The following GOLPH3 variants were observed in gnomAD, a reference collection of about 807,000 sequenced individuals.
GOLPH3 encodes coat protein GPP34.
Under a neutral mutation model 28.5 loss-of-function variants are expected in GOLPH3, and 14 were observed. That is an observed-to-expected ratio of 0.49 (90% CI 0.32 to 0.77). GOLPH3 has a LOEUF of 0.77. Among genes scored for constraint, GOLPH3 ranks in the 30% least tolerant of loss-of-function variants. The pLI, the probability that GOLPH3 is intolerant of heterozygous loss-of-function variation, is 0.03. For synonymous variants in GOLPH3, 158 were observed against 159.2 expected, an observed-to-expected ratio of 0.99 and a Z score of 0.06; for missense variants, 350 against 393.7, an observed-to-expected ratio of 0.89 and a Z score of 0.94.
chr5:32,144,434 A>C (rs1746146708), intron 1 of GOLPH3, among the ~76,000 whole-genome samples: 1 of 152,200 alleles, frequency 6.6e-6, no homozygotes, highest in Admixed American at 6.5e-5. Flanking sequence ...CTACCAAAAA[A>C]AATTAATTAG....
chr5:32,152,847 G>A (rs77717270), intron 1 of GOLPH3, among the ~76,000 whole-genome samples: 22,730 of 151,282 alleles, frequency 0.15, 2,091 homozygotes, highest in Middle Eastern at 0.21. Flanking sequence ...TGGCAAAAAT[G>A]AGGGAAACAG....
rs549372832 is a variant in GOLPH3 at position 32,170,532 on chromosome 5, C to T, written c.225+3278G>A. 5.3e-5 allele frequency among the ~76,000 whole-genome samples: 8 copies of T among 152,278 alleles called. No individual in the cohort carries two copies. In the South Asian group the frequency reaches 1.2e-3, roughly 24 times the overall value. On this transcript the variant is annotated intron_variant, in intron 1 of 3. Transcript: ENST00000265070. Reference sequence around the variant, plus strand: ...ATGAGTTAGCATAAACGCCTGGGCTCAGGGTAAGACAGCAATTCCTGCCTC... The same window carrying T: ...ATGAGTTAGCATAAACGCCTGGGCTTAGGGTAAGACAGCAATTCCTGCCTC...
intron 1 of GOLPH3, among the ~76,000 whole-genome samples, chr5:32,167,775 G>A (rs1228389785): frequency 6.6e-6 from 1 of 151,896 alleles, no homozygotes; most frequent in South Asian, 2.1e-4. Context: ...GTGAGACCAC[G>A]TCTCTACAAA....
At chr5:32,131,577 C>T (rs1022791380) in intron 3 of GOLPH3, among the ~76,000 whole-genome samples, 1 of 152,218 alleles carries the variant, frequency 6.6e-6, no homozygotes, top group African/African-American at 2.4e-5. Context: ...GCGATCCATG[C>T]TGTTAGTCCT....
At chr5:32,142,956 A>G (rs1426571288) in intron 2 of GOLPH3, among the ~76,000 whole-genome samples, 1 of 152,134 alleles carries the variant, frequency 6.6e-6, no homozygotes, top group East Asian at 1.9e-4. Flanking sequence ...GGTGTACCCA[A>G]CAGCTCACTG....
intron 1 of GOLPH3, among the ~76,000 whole-genome samples, chr5:32,148,836 G>A (rs563463936): frequency 1.2e-4 from 18 of 152,190 alleles, no homozygotes; most frequent in African/African-American, 3.6e-4. Flanking sequence ...TTACCCAGGC[G>A]TGGTGGCGCA....
intron 1 of GOLPH3, among the ~76,000 whole-genome samples, chr5:32,150,026 A>G (rs1019822418): frequency 3.9e-5 from 6 of 152,102 alleles, no homozygotes; most frequent in African/African-American, 1.4e-4. Context: ...TGCTGGTGAT[A>G]TTGTTGGATA....
At chr5:32,145,627 C>T (rs1746168320) in intron 1 of GOLPH3, among the ~76,000 whole-genome samples, 1 of 152,180 alleles carries the variant, frequency 6.6e-6, no homozygotes, top group Non-Finnish European at 1.5e-5. Flanking sequence ...CTGCAAACTC[C>T]AGCTGAACAG....
In GOLPH3 at chr5:32,161,066, CAAAAAA is replaced by C. The variant is rs34874287; in HGVS notation, c.225+12738_225+12743del. 1.5e-4 allele frequency among the ~76,000 whole-genome samples: 9 copies of C among 60,050 alleles called. No individual in the cohort carries two copies. The South Asian group carries it at 3.8e-3, about 26-fold the overall frequency. The allele number at this position is 60,050 out of a possible 152,430, so 39.4% of individuals were successfully genotyped here. Reference sequence around the variant, plus strand: ...TGGGTGACAGAGCGAGACTCCGTCTCAAAAAAAAAAAAAAAAAAAAAAAAAAATTGG... The same window carrying C: ...TGGGTGACAGAGCGAGACTCCGTCTCAAAAAAAAAAAAAAAAAAAAATTGG... On this transcript the variant is annotated intron_variant, in intron 1 of 3. Coordinates refer to ENST00000265070, the MANE Select transcript of GOLPH3 (RefSeq NM_022130.4).
chr5:32,154,181 C>T (rs1457264042), intron 1 of GOLPH3, among the ~76,000 whole-genome samples: 1 of 152,118 alleles, frequency 6.6e-6, no homozygotes, highest in African/African-American at 2.4e-5. Flanking sequence ...AGAGCCCATA[C>T]CTCACTAGAT....
intron 2 of GOLPH3, among the ~76,000 whole-genome samples, chr5:32,137,989 C>T (rs544430044): frequency 2.0e-4 from 31 of 151,242 alleles, no homozygotes; most frequent in African/African-American, 5.8e-4. Context: ...CTGCAACCTC[C>T]GCCTCCAGGG....
At chr5:32,126,735 G>C in intron 3 of GOLPH3, 99 bp from the exon 4 acceptor site, 1 of 895,274 alleles carries the variant, frequency 1.1e-6, no homozygotes. Context: ...TTTGCCCCAA[G>C]AAAAACAGAA....
chr5:32,142,686 C>A (rs1746100868), intron 2 of GOLPH3, among the ~76,000 whole-genome samples: 1 of 147,730 alleles, frequency 6.8e-6, no homozygotes, highest in South Asian at 2.1e-4. Context: ...GCCGCCCCGT[C>A]CGGGAGGGAG....
intron 1 of GOLPH3, among the ~76,000 whole-genome samples, chr5:32,149,241 TACAGAG>T (rs1746250552): frequency 1.3e-5 from 2 of 152,246 alleles, no homozygotes; most frequent in African/African-American, 4.8e-5. Flanking sequence ...AACCAAGACA[TACAGAG>T]ACAGAGAGGC....
chr5:32,167,596 T>G (rs1301480129), intron 1 of GOLPH3, among the ~76,000 whole-genome samples: 1 of 152,126 alleles, frequency 6.6e-6, no homozygotes, highest in Non-Finnish European at 1.5e-5. Context: ...TTTGACCATA[T>G]TGTAAAAGAA....
At chr5:32,155,474 T>A (rs1289920174) in intron 1 of GOLPH3, among the ~76,000 whole-genome samples, 1 of 152,180 alleles carries the variant, frequency 6.6e-6, no homozygotes. Context: ...AGGCATGTAA[T>A]CCTGGATTGT....
At chr5:32,172,292 G>A (rs1267928529) in intron 1 of GOLPH3, among the ~76,000 whole-genome samples, 2 of 151,574 alleles carry the variant, frequency 1.3e-5, no homozygotes, top group Non-Finnish European at 2.9e-5. Flanking sequence ...TCCATAAACG[G>A]TCCATATAAA....
intron 2 of GOLPH3, among the ~76,000 whole-genome samples, chr5:32,137,594 G>C (rs1217385405): frequency 6.6e-6 from 1 of 152,086 alleles, no homozygotes; most frequent in Non-Finnish European, 1.5e-5. Context: ...AGGAGGTGGA[G>C]GCTGCAGTGA....
chr5:32,172,822 T>C lies in GOLPH3; in HGVS notation c.225+988A>G, dbSNP rs553905408. Among the ~76,000 whole-genome samples the C allele has an allele frequency of 2.0e-5, 3 of 151,732 alleles. No homozygotes were observed. In the South Asian group the frequency reaches 6.3e-4, roughly 32 times the overall value. On this transcript the variant is annotated intron_variant, in intron 1 of 3. Coordinates refer to ENST00000265070, the MANE Select transcript of GOLPH3 (RefSeq NM_022130.4). ...ATTTCGGTAAGCCGAGATCGCGGCA[T>C]TGCACTCCAGCCTGGGCAACAAGAG...
Sources: allele counts gnomAD v4.1 joint callset (sites outside exome capture counted in the v4.1 genomes callset), GRCh38; gene constraint gnomAD v4.1.1; transcripts MANE v1.5; gene names NCBI Gene and HGNC (gene_info 2026-07-23, HGNC 2026-07-21).